The following ATXN7 variants were observed in gnomAD, a reference collection of about 807,000 sequenced individuals.
ATXN7 encodes the protein ataxin 7.
A neutral mutation model predicts 70.5 loss-of-function variants in ATXN7; 12 were observed. The ratio of observed to expected loss-of-function variants is 0.17; its 90% confidence interval spans 0.11 to 0.28. The LOEUF (loss-of-function observed/expected upper bound fraction) is 0.28, where lower values mean the gene tolerates loss of function less well. ATXN7 is among the 10% of genes least tolerant of loss of function. ATXN7 has a pLI of 1.00. For missense variants in ATXN7, 1,256 were observed against 1,131.7 expected (o/e 1.11, Z -1.58); for synonymous variants, 498 against 448.7 (o/e 1.11, Z -1.39).
At chr3:63,956,775 C>G (rs984528831) in intron 5 of ATXN7, among the ~76,000 whole-genome samples, 2 of 152,282 alleles carry the variant, frequency 1.3e-5, no homozygotes, top group East Asian at 1.9e-4. Flanking sequence ...CTCAGAGATT[C>G]GTTGAGCCAA....
At chr3:63,962,192 C>T (rs934288624) in intron 5 of ATXN7, among the ~76,000 whole-genome samples, 1 of 152,172 alleles carries the variant, frequency 6.6e-6, no homozygotes, top group East Asian at 1.9e-4. Flanking sequence ...AGGTTTACTT[C>T]AAAGTAATTT....
At chr3:63,995,454 TCTGTGA>T in intron 11 of ATXN7, 45 bp from the exon 12 acceptor site, 1 of 1,597,048 alleles carries the variant, frequency 6.3e-7, no homozygotes, top group South Asian at 1.1e-5. Flanking sequence ...TCTGAAAGTC[TCTGTGA>T]ATGGCTGTGG....
chr3:63,990,743 C>T lies in ATXN7; in HGVS notation c.1566C>T (p.Cys522=), dbSNP rs759336730. 1 of 1,614,152 alleles carries T rather than the reference C, an allele frequency of 6.2e-7. No individual in the cohort carries two copies. Among genetic ancestry groups the T allele is most frequent in the Non-Finnish European group, 8.5e-7 (1 of 1,180,036 alleles). ...GGCTATGTTTTCTCTTGCAGTTTTG[C>T]ACATTTGGGAGCCGGCAGATAGGAA... ...SGHHPQPASF[C]TFGSRQIGRG... Residue 522 remains cysteine, a synonymous_variant, in exon 11 of 13, where the codon TGC becomes TGT. Transcript: ENST00000674280.
chr3:64,001,793 T>A lies in ATXN7; in HGVS notation c.*2326T>A, dbSNP rs911320179. 2.6e-5 allele frequency: 4 copies of A among 152,242 alleles called. No homozygotes were observed. The highest frequency in any genetic ancestry group is 7.2e-5 in the African/African-American group (3 of 41,460). 9.4% of individuals were successfully genotyped at this position (152,242 alleles called of 1,614,324 possible). A position where few individuals can be genotyped will look rare whatever the true frequency, so the allele number is the denominator to read the frequency against. The stretch of plus-strand genomic sequence containing the variant: ...ACTGTTGTTCAAATATTTTATTTTC[T>A]CCTAAACTACTTTTTATGGTGATGA... On this transcript the variant is annotated 3_prime_UTR_variant, in exon 13 of 13. Coordinates refer to ENST00000674280, the MANE Select transcript of ATXN7 (RefSeq NM_001377405.1).
At chr3:63,978,147 C>G (rs1181166323) in intron 5 of ATXN7, among the ~76,000 whole-genome samples, 2 of 152,142 alleles carry the variant, frequency 1.3e-5, no homozygotes, top group African/African-American at 4.8e-5. Context: ...GGAAACTTGT[C>G]AAAAATCTGG....
chr3:63,952,959 C>A (rs1055263337), intron 5 of ATXN7, among the ~76,000 whole-genome samples: 1 of 144,750 alleles, frequency 6.9e-6, no homozygotes, highest in Non-Finnish European at 1.5e-5. Context: ...TTGGCATTGT[C>A]ATAATGCCTT....
At chr3:63,925,281 C>T (rs1181301121) in intron 4 of ATXN7, among the ~76,000 whole-genome samples, 1 of 152,128 alleles carries the variant, frequency 6.6e-6, no homozygotes, top group African/African-American at 2.4e-5. Flanking sequence ...TAACAACAGA[C>T]ATTTATGCAT....
intron 4 of ATXN7, among the ~76,000 whole-genome samples, chr3:63,929,609 C>T (rs139970464): frequency 1.2e-3 from 190 of 152,230 alleles, no homozygotes; most frequent in African/African-American, 4.4e-3. Flanking sequence ...AATTTTTACT[C>T]GTACCCATTA....
chr3:63,863,700 G>A, upstream of ATXN7: 1 of 1,242,382 alleles, frequency 8.0e-7, no homozygotes, highest in Non-Finnish European at 1.0e-6. Flanking sequence ...AAGCGGGCCG[G>A]GAGGCCAGGG....
intron 1 of ATXN7, among the ~76,000 whole-genome samples, chr3:63,891,909 TTAA>T (rs1703279177): frequency 1.3e-5 from 2 of 152,212 alleles, no homozygotes; most frequent in African/African-American, 2.4e-5. Flanking sequence ...ACGAGCATTA[TTAA>T]TGAAAACTAC....
chr3:63,946,341 C>G (rs983779292), intron 4 of ATXN7, among the ~76,000 whole-genome samples: 4 of 151,902 alleles, frequency 2.6e-5, no homozygotes, highest in African/African-American at 9.7e-5. Flanking sequence ...CTGTTCTGTC[C>G]AAAAGAAGGA....
intron 4 of ATXN7, among the ~76,000 whole-genome samples, chr3:63,932,966 A>G (rs761765993): frequency 1.3e-5 from 2 of 152,186 alleles, no homozygotes; most frequent in Admixed American, 6.5e-5. Flanking sequence ...ACCTTTATGG[A>G]TGGACATACA....
chr3:63,982,864 T>C, intron 7 of ATXN7, 75 bp from the exon 8 acceptor site: 1 of 1,127,144 alleles, frequency 8.9e-7, no homozygotes, highest in South Asian at 1.3e-5. Flanking sequence ...TGTTGATTTC[T>C]TCTATTTTCT....
At chr3:63,992,785 C>T (rs865868749) in intron 11 of ATXN7, among the ~76,000 whole-genome samples, 3 of 152,296 alleles carry the variant, frequency 2.0e-5, no homozygotes, top group African/African-American at 4.8e-5. Flanking sequence ...CAACAAGGGA[C>T]GTGTTGCTCA....
rs201478726 is a variant in ATXN7, at chr3:63,999,553, C to G, written c.*86C>G. ...ACTCAGCACTCTGGACTCCACGATG[C>G]CTTTGAGTCTGTTTTCCCAACCTCC... On this transcript the variant is annotated 3_prime_UTR_variant, in exon 13 of 13. Coordinates refer to ENST00000674280, the MANE Select transcript of ATXN7 (RefSeq NM_001377405.1). 3.7e-5 allele frequency: 59 copies of G among 1,588,220 alleles called. No individual in the cohort carries two copies. The highest frequency in any genetic ancestry group is 2.7e-5 in the African/African-American group (2 of 74,436).
At chr3:63,998,029 G>A (rs566938855) in intron 12 of ATXN7, 65 of 985,282 alleles carry the variant, frequency 6.6e-5, no homozygotes, top group Non-Finnish European at 7.6e-5. Flanking sequence ...AAACACAGAA[G>A]ACATGGTGTG....
At chr3:63,883,329 T>G (rs1459836409) in intron 1 of ATXN7, among the ~76,000 whole-genome samples, 2 of 152,208 alleles carry the variant, frequency 1.3e-5, no homozygotes, top group Non-Finnish European at 2.9e-5. Flanking sequence ...CACCAGAGAT[T>G]TTATTAGCAT....
chr3:63,995,730 T>C lies in ATXN7; in HGVS notation c.1908T>C (p.Asp636=). ...AGCCTGCTGCTTCAGGGGCGATGGATCCTGTGTGCAGTATGCAATCCAGAC... is the reference window on the plus strand; with the variant it reads ...AGCCTGCTGCTTCAGGGGCGATGGACCCTGTGTGCAGTATGCAATCCAGAC... ...NAQPAASGAM[D]PVCSMQSRQV... The change falls in exon 12 of 13, where the codon GAT becomes GAC. Residue 636 remains aspartate (D), a synonymous_variant. Transcript: ENST00000674280. 6.2e-7 allele frequency: 1 copy of C among 1,614,218 alleles called. No individual in the cohort carries two copies.
In ATXN7 at chr3:63,907,456, CTTTTTTT is replaced by C. The variant is rs946462374; in HGVS notation, c.-11-5117_-11-5111del. On this transcript the variant is annotated intron_variant, in intron 2 of 12. Coordinates refer to ENST00000674280, the MANE Select transcript of ATXN7 (RefSeq NM_001377405.1). The stretch of plus-strand genomic sequence containing the variant: ...TTGGTCCAACTTTTCCATTCCTTGT[CTTTTTTT>C]TTTTTTTTTTTTTTGTAACAGGGTC... Among the ~76,000 whole-genome samples, 15 of 116,628 alleles carry C rather than the reference CTTTTTTT, an allele frequency of 1.3e-4. No individual in the cohort carries two copies. In the South Asian group the frequency reaches 1.4e-3, roughly 11 times the overall value. The allele number at this position is 116,628 out of a possible 152,430, so 76.5% of individuals were successfully genotyped here. A position where few individuals can be genotyped will look rare whatever the true frequency, so the allele number is the denominator to read the frequency against.
Sources: allele counts gnomAD v4.1 joint callset (sites outside exome capture counted in the v4.1 genomes callset), GRCh38; gene constraint gnomAD v4.1.1; transcripts MANE v1.5; gene names NCBI Gene and HGNC (gene_info 2026-07-23, HGNC 2026-07-21).